MLIP: variants seen among roughly 807,000 people sequenced by gnomAD.
The protein encoded by MLIP is muscular LMNA-interacting protein.
MLIP carries 79 observed loss-of-function variants against 84.8 expected under a neutral mutation model. That is an observed-to-expected ratio of 0.93 (90% CI 0.78 to 1.12). The LOEUF (loss-of-function observed/expected upper bound fraction) is 1.12, where lower values mean the gene tolerates loss of function less well. Ranked by LOEUF, MLIP falls within the 50% of genes most tolerant of loss-of-function variation. The probability of loss-of-function intolerance (pLI) is 0.00; values close to 1 mark genes in which losing one functional copy is unlikely to be tolerated. For missense variants in MLIP, 1,257 were observed against 1,160.6 expected, an observed-to-expected ratio of 1.08 and a Z score of -1.21; for synonymous variants, 504 against 463.0, an observed-to-expected ratio of 1.09 and a Z score of -1.14.
intron 9 of MLIP, among the ~76,000 whole-genome samples, chr6:54,181,601 C>T (rs1776876387): frequency 6.6e-6 from 1 of 152,198 alleles, no homozygotes; most frequent in Non-Finnish European, 1.5e-5. Context: ...GTCACTATAG[C>T]CACCACAGCT....
At chr6:54,025,787 C>A (rs1763768529) in intron 1 of MLIP, among the ~76,000 whole-genome samples, 1 of 152,122 alleles carries the variant, frequency 6.6e-6, no homozygotes, top group African/African-American at 2.4e-5. Flanking sequence ...GTGACATTGT[C>A]ATGGGCCATG....
chr6:54,258,723 TA>T (rs768266204), intron 13 of MLIP, among the ~76,000 whole-genome samples: 4 of 152,036 alleles, frequency 2.6e-5, no homozygotes, highest in African/African-American at 7.2e-5. Flanking sequence ...TTAATTTTCA[TA>T]AAACATTCTT....
At position 54,137,175 on chromosome 6, in the gene MLIP, T is replaced by C; in HGVS notation, c.1106T>C (p.Val369Ala). 1 of 1,536,090 alleles carries C rather than the reference T, an allele frequency of 6.5e-7. No homozygotes were observed. Among genetic ancestry groups the C allele is most frequent in the South Asian group, 1.2e-5 (1 of 84,058 alleles). Residue 369 changes from valine to alanine, a missense_variant, in exon 4 of 14, where the codon GTC becomes GCC. Coordinates refer to ENST00000502396, the MANE Select transcript of MLIP (RefSeq NM_001281747.2). ...GCCTCGTACATACCAGTCCGCATTG[T>C]CACGCATTCACTCTCTCCGAGCCCC... Reference protein sequence around the residue: ...NSASYIPVRIVTHSLSPSPKP... With the variant: ...NSASYIPVRIATHSLSPSPKP...
chr6:54,249,772 T>C (rs1232699605), intron 12 of MLIP, among the ~76,000 whole-genome samples: 5 of 151,880 alleles, frequency 3.3e-5, no homozygotes, highest in Non-Finnish European at 7.4e-5. Flanking sequence ...TATACACATG[T>C]ATACACGTGT....
At chr6:54,026,661 C>T (rs941637068) in intron 1 of MLIP, among the ~76,000 whole-genome samples, 2 of 151,842 alleles carry the variant, frequency 1.3e-5, no homozygotes, top group Admixed American at 6.6e-5. Flanking sequence ...CGAGTGTGTA[C>T]AGGTGTTTAA....
At position 54,092,774 on chromosome 6, in the gene MLIP, G is replaced by A. The variant is rs544030022; in HGVS notation, c.64-28673G>A. Among the ~76,000 whole-genome samples the A allele has an allele frequency of 3.3e-5, 5 of 152,272 alleles. No individual in the cohort carries two copies. In the East Asian group the frequency reaches 9.6e-4, roughly 29 times the overall value. On this transcript the variant is annotated intron_variant, in intron 1 of 12. Coordinates refer to the MLIP transcript ENST00000274897. ...CAATTGCAAGACGAAGTTTCTGAGA[G>A]GATTGATAAGAATTATAGTCCCATT...
At chr6:54,195,739 T>G (rs1383656282) in intron 10 of MLIP, among the ~76,000 whole-genome samples, 2 of 152,060 alleles carry the variant, frequency 1.3e-5, no homozygotes, top group Non-Finnish European at 2.9e-5. Context: ...GCCCATATAT[T>G]CACTCCCTTG....
intron 9 of MLIP, among the ~76,000 whole-genome samples, chr6:54,183,055 A>G (rs1777041295): frequency 6.6e-6 from 1 of 152,214 alleles, no homozygotes; most frequent in Non-Finnish European, 1.5e-5. Flanking sequence ...GTATATTGAA[A>G]AATGTGTCAA....
chr6:54,266,163 A>G lies in MLIP; in HGVS notation c.*208A>G, dbSNP rs1485367091. 2 of 583,934 alleles carry G rather than the reference A, an allele frequency of 3.4e-6. No homozygotes were observed. The highest frequency in any genetic ancestry group is 6.1e-5 in the Admixed American group (2 of 32,782). The allele number at this position is 583,934 out of a possible 1,614,324, so 36.2% of individuals were successfully genotyped here. A position where few individuals can be genotyped will look rare whatever the true frequency, so the allele number is the denominator to read the frequency against. ...GCCAGCATAGAAGAGATTTACCTAC[A>G]GCTTTTTGCACCACTGTTCTAGCCT... On this transcript the variant is annotated 3_prime_UTR_variant, in exon 14 of 14. Transcript: ENST00000502396.
intron 11 of MLIP, among the ~76,000 whole-genome samples, chr6:54,203,265 G>GGC (rs1326897408): frequency 6.6e-6 from 1 of 151,986 alleles, no homozygotes; most frequent in Non-Finnish European, 1.5e-5. Context: ...AAAGAGTATG[G>GGC]GCTATATATT....
chr6:54,153,090 C>A (rs1773627784), intron 5 of MLIP, among the ~76,000 whole-genome samples: 1 of 151,998 alleles, frequency 6.6e-6, no homozygotes, highest in Non-Finnish European at 1.5e-5. Context: ...ACATTTGATT[C>A]ATAAGAAGTG....
chr6:54,128,220 T>A (rs1170048052), intron 3 of MLIP, among the ~76,000 whole-genome samples: 1 of 152,162 alleles, frequency 6.6e-6, no homozygotes, highest in Non-Finnish European at 1.5e-5. Flanking sequence ...TTGGTGGCAC[T>A]ATATGATGAT....
intron 11 of MLIP, chr6:54,203,556 A>G (rs1330949293): frequency 1.3e-5 from 2 of 151,914 alleles, no homozygotes; most frequent in Non-Finnish European, 2.9e-5. Flanking sequence ...AAGTGGTGTT[A>G]TCTCTCTAGG....
chr6:54,198,482 T>A lies in MLIP; in HGVS notation c.2590-3623T>A, dbSNP rs893901876. 4.6e-5 allele frequency among the ~76,000 whole-genome samples: 7 copies of A among 152,126 alleles called. 1 individual carries two copies. The highest frequency in any genetic ancestry group is 1.3e-4 in the Admixed American group (2 of 15,260). On this transcript the variant is annotated intron_variant, in intron 10 of 13. Coordinates refer to ENST00000502396, the MANE Select transcript of MLIP (RefSeq NM_001281747.2). ...GCTTCACATATGCTGTTTTATAGAC[T>A]TTCTAAGTGGCACTTTGAGACCCTT...
At chr6:54,051,430 C>T (rs181162287) in intron 1 of MLIP, among the ~76,000 whole-genome samples, 32 of 152,082 alleles carry the variant, frequency 2.1e-4, no homozygotes, top group Non-Finnish European at 3.1e-4. Flanking sequence ...GTGGAAAACT[C>T]AAATTTACTG....
chr6:54,074,004 A>G (rs923982289), intron 1 of MLIP, among the ~76,000 whole-genome samples: 1 of 152,220 alleles, frequency 6.6e-6, no homozygotes, highest in African/African-American at 2.4e-5. Flanking sequence ...AATCTGTGCT[A>G]AACCAATGTA....
intron 8 of MLIP, 147 bp from the exon 9 acceptor site, chr6:54,169,381 A>C: frequency 2.3e-6 from 1 of 426,102 alleles, no homozygotes; most frequent in East Asian, 3.7e-5. Flanking sequence ...TCATTTTATA[A>C]AATAATTTTC....
intron 12 of MLIP, among the ~76,000 whole-genome samples, chr6:54,250,940 C>G (rs1029877419): frequency 6.6e-6 from 1 of 152,008 alleles, no homozygotes; most frequent in Non-Finnish European, 1.5e-5. Flanking sequence ...TGTGTTTGGA[C>G]TTATATATTC....
upstream of MLIP, chr6:54,111,400 A>AGT: frequency 6.7e-7 from 1 of 1,503,452 alleles, no homozygotes; most frequent in Non-Finnish European, 8.8e-7. Context: ...TTTCTGCGTG[A>AGT]GTGTGTGTGT....
Sources: allele counts gnomAD v4.1 joint callset (sites outside exome capture counted in the v4.1 genomes callset), GRCh38; gene constraint gnomAD v4.1.1; transcripts MANE v1.5; gene names NCBI Gene and HGNC (gene_info 2026-07-23, HGNC 2026-07-21).